Variants in INPP5A observed in about 807,000 individuals in gnomAD.
INPP5A encodes the protein 43 kDa inositol polyphosphate 5-phophatase.
A neutral mutation model predicts 65.2 loss-of-function variants in INPP5A; 14 were observed. The observed-to-expected ratio is 0.21, with a 90% CI of 0.14 to 0.34. The LOEUF (loss-of-function observed/expected upper bound fraction) is 0.34. Ranked by LOEUF, INPP5A falls within the 10% of genes least tolerant of loss-of-function variation. The pLI, the probability that INPP5A is intolerant of heterozygous loss-of-function variation, is 1.00. For synonymous variants in INPP5A, 207 were observed against 208.3 expected (o/e 0.99, Z 0.05); for missense variants, 431 against 545.6 (o/e 0.79, Z 2.09).
chr10:132,543,830 T>C (rs542374441), intron 1 of INPP5A, among the ~76,000 whole-genome samples: 4 of 152,270 alleles, frequency 2.6e-5, no homozygotes, highest in Non-Finnish European at 5.9e-5. Flanking sequence ...CCGGTTCTGG[T>C]GAACAGTGGA....
chr10:132,636,105 C>T (rs917899256), intron 2 of INPP5A, among the ~76,000 whole-genome samples: 7 of 150,868 alleles, frequency 4.6e-5, no homozygotes, highest in African/African-American at 9.8e-5. Flanking sequence ...CATCTGTGTA[C>T]GTTGAAAATC....
chr10:132,628,175 C>T lies in INPP5A; in HGVS notation c.118-17693C>T, dbSNP rs573379896. Among the ~76,000 whole-genome samples the T allele has an allele frequency of 8.5e-5, 13 of 152,354 alleles. No homozygotes were observed. The East Asian group carries it at 9.6e-4, about 11-fold the overall frequency. Reference sequence around the variant, plus strand: ...GACAGTGTGATCCTTGTCTGCCTGACGCAGCTCAGGCCCATTCCTACCAGC... The same window carrying T: ...GACAGTGTGATCCTTGTCTGCCTGATGCAGCTCAGGCCCATTCCTACCAGC... On this transcript the variant is annotated intron_variant, in intron 2 of 15. Transcript: ENST00000368594.
intron 1 of INPP5A, among the ~76,000 whole-genome samples, chr10:132,552,527 G>C (rs4880414): frequency 6.4e-5 from 7 of 109,908 alleles, no homozygotes; most frequent in Non-Finnish European, 1.4e-4. Context: ...ATTGGTGAAC[G>C]CCTTCTCAGA....
intron 1 of INPP5A, among the ~76,000 whole-genome samples, chr10:132,548,054 C>T (rs991610442): frequency 2.0e-5 from 3 of 152,082 alleles, no homozygotes; most frequent in Non-Finnish European, 2.9e-5. Context: ...CGTGCACCAC[C>T]ACACCCGGCT....
chr10:132,782,494 ATGGCAAGGGGGTCTGTC>A lies in INPP5A; in HGVS notation c.*467_*483del. Reference sequence around the variant, plus strand: ...GCCGGCCGGCAGCGTGGCCCTGAGCATGGCAAGGGGGTCTGTCTCTGCCGATGCTCCTTCCGCGGCAC... The same window carrying A: ...GCCGGCCGGCAGCGTGGCCCTGAGCATCTGCCGATGCTCCTTCCGCGGCAC... On this transcript the variant is annotated 3_prime_UTR_variant, in exon 16 of 16. Coordinates refer to ENST00000368594, the MANE Select transcript of INPP5A (RefSeq NM_005539.5). This position sits in a 1 kb window ranked among gnomAD's most constrained non-coding sequence, Gnocchi z 4.4. 5.2e-6 allele frequency: 1 copy of A among 190,992 alleles called. No homozygotes were observed. Among genetic ancestry groups the A allele is most frequent in the Non-Finnish European group, 1.1e-5 (1 of 90,236 alleles). The allele number at this position is 190,992 out of a possible 1,614,324, so 11.8% of individuals were successfully genotyped here. A position where few individuals can be genotyped will look rare whatever the true frequency, so the allele number is the denominator to read the frequency against.
Position 132,587,215 on chromosome 10 carries a change from C to T in INPP5A, c.76-20700C>T, listed in dbSNP as rs556747596. On this transcript the variant is annotated intron_variant, in intron 1 of 15. Transcript: ENST00000368594. This position sits in a 1 kb window ranked among gnomAD's most constrained non-coding sequence, Gnocchi z 4.3. ...AACAGTGTCCACAGAACTCAGAGGG[C>T]GGACAGGAGATGGACCCAGGGCAGC... Among the ~76,000 whole-genome samples, 18 of 152,324 alleles carry T rather than the reference C, an allele frequency of 1.2e-4. No individual in the cohort carries two copies. The East Asian group carries it at 1.3e-3, about 11-fold the overall frequency.
chr10:132,708,512 G>A, intron 7 of INPP5A, 147 bp downstream of exon 7: 1 of 811,080 alleles, frequency 1.2e-6, no homozygotes, highest in Non-Finnish European at 2.2e-6. Context: ...CTGCCACTCT[G>A]ACCCTTTTGG....
At chr10:132,646,384 GA>G (rs1042490774) in intron 3 of INPP5A, among the ~76,000 whole-genome samples, 14 of 152,186 alleles carry the variant, frequency 9.2e-5, no homozygotes, top group Non-Finnish European at 1.6e-4. Context: ...CATCGTTTAG[GA>G]GGAAGGTGCC....
intron 12 of INPP5A, among the ~76,000 whole-genome samples, chr10:132,775,608 C>T (rs923525449): frequency 2.0e-5 from 3 of 152,144 alleles, no homozygotes; most frequent in Non-Finnish European, 4.4e-5. Flanking sequence ...AACAGCCTGG[C>T]CAGGACACCT....
In INPP5A at chr10:132,678,491, G is replaced by A. The variant is rs993368405; in HGVS notation, c.307-11901G>A. Among the ~76,000 whole-genome samples the A allele has an allele frequency of 1.3e-5, 2 of 152,118 alleles. No individual in the cohort carries two copies. Among genetic ancestry groups the A allele is most frequent in the Non-Finnish European group, 2.9e-5 (2 of 68,022 alleles). ...CTTTTGCAAGTGTGTTCAGCTTCTCGGGAGCACCGTGAACCTGTGCCTTGG... is the reference window on the plus strand; with the variant it reads ...CTTTTGCAAGTGTGTTCAGCTTCTCAGGAGCACCGTGAACCTGTGCCTTGG... On this transcript the variant is annotated intron_variant, in intron 4 of 15. Coordinates refer to ENST00000368594, the MANE Select transcript of INPP5A (RefSeq NM_005539.5). The surrounding 1 kb of genome is among the most constrained non-coding windows in gnomAD (Gnocchi z 4.1).
At chr10:132,708,482 C>T (rs747372692) in intron 7 of INPP5A, 117 bp downstream of exon 7, 23 of 1,005,482 alleles carry the variant, frequency 2.3e-5, no homozygotes, top group Middle Eastern at 2.0e-4. Context: ...CATGAGGACC[C>T]CCAGCTGCCT....
intron 11 of INPP5A, among the ~76,000 whole-genome samples, chr10:132,750,660 G>A (rs11146500): frequency 0.023 from 3,480 of 152,344 alleles, 120 homozygotes; most frequent in African/African-American, 0.078. Context: ...CCCCATATGC[G>A]GCCTCGGCCG....
At position 132,766,368 on chromosome 10, in the gene INPP5A, G is replaced by A. The variant is rs187965815; in HGVS notation, c.977+522G>A. Reference sequence around the variant, plus strand: ...TCAGACTTGCTCACGAGGGACCTACGGGGACTGTGTGTTATGGATCTTTCT... The same window carrying A: ...TCAGACTTGCTCACGAGGGACCTACAGGGACTGTGTGTTATGGATCTTTCT... On this transcript the variant is annotated intron_variant, in intron 12 of 15. Coordinates refer to ENST00000368594, the MANE Select transcript of INPP5A (RefSeq NM_005539.5). Among the ~76,000 whole-genome samples, 3 of 152,312 alleles carry A rather than the reference G, an allele frequency of 2.0e-5. No homozygotes were observed. In the East Asian group the frequency reaches 5.8e-4, roughly 29 times the overall value.
intron 4 of INPP5A, among the ~76,000 whole-genome samples, chr10:132,661,777 A>G (rs1425527391): frequency 6.6e-6 from 1 of 152,054 alleles, no homozygotes; most frequent in Non-Finnish European, 1.5e-5. Flanking sequence ...TACCTGATTA[A>G]GACTTCTTTG....
At chr10:132,641,778 T>A (rs2072429930) in intron 2 of INPP5A, among the ~76,000 whole-genome samples, 2 of 152,272 alleles carry the variant, frequency 1.3e-5, no homozygotes, top group South Asian at 4.1e-4. Context: ...GATCTTATCA[T>A]TTTGATAACT....
chr10:132,737,037 G>A (rs994943734), intron 9 of INPP5A, among the ~76,000 whole-genome samples: 51 of 152,362 alleles, frequency 3.3e-4, no homozygotes, highest in African/African-American at 1.2e-3. Context: ...AGGGATGACT[G>A]TGCAGCTGTC....
chr10:132,542,039 T>C (rs2070912851), intron 1 of INPP5A, among the ~76,000 whole-genome samples: 1 of 152,280 alleles, frequency 6.6e-6, no homozygotes, highest in African/African-American at 2.4e-5. Flanking sequence ...TTCTGGCTTT[T>C]GGTTCCTTCC....
At chr10:132,604,521 G>T (rs1001376990) in intron 1 of INPP5A, among the ~76,000 whole-genome samples, 1 of 152,234 alleles carries the variant, frequency 6.6e-6, no homozygotes, top group African/African-American at 2.4e-5. Context: ...GGTTTGGGGG[G>T]AAAGGGGTGT....
Position 132,698,053 on chromosome 10 carries a change from T to C in INPP5A, c.474+134T>C, listed in dbSNP as rs1845374230. On this transcript the variant is annotated intron_variant, in intron 6 of 15. Coordinates refer to ENST00000368594, the MANE Select transcript of INPP5A (RefSeq NM_005539.5). The surrounding 1 kb of genome is among the most constrained non-coding windows in gnomAD (Gnocchi z 5.5). ...CTGTTGTTACCTCCGATAATCTGTC[T>C]TCCTGGGAGTCCAGGCTTCTGTGGT... 1.5e-6 allele frequency: 1 copy of C among 664,588 alleles called. No homozygotes were observed. Among genetic ancestry groups the C allele is most frequent in the Non-Finnish European group, 2.7e-6 (1 of 364,674 alleles). The allele number at this position is 664,588 out of a possible 1,614,324, so 41.2% of individuals were successfully genotyped here.
Sources: gnomAD v4.1 joint callset for allele counts (sites outside exome capture counted in the v4.1 genomes callset) on GRCh38, gnomAD v4.1.1 for gene constraint, Gnocchi (gnomAD v3.1) non-coding constraint, MANE v1.5 for transcripts, NCBI Gene and HGNC (gene_info 2026-07-23, HGNC 2026-07-21) for gene names.